SNX22: variants seen among roughly 807,000 people sequenced by gnomAD.
The protein encoded by SNX22 is sorting nexin 22.
In SNX22, 23 loss-of-function variants were observed where a neutral mutation model predicts 24.7. The observed-to-expected ratio is 0.93, with a 90% CI of 0.67 to 1.32. SNX22 has a LOEUF of 1.32. Among genes scored for constraint, SNX22 ranks in the 40% most tolerant of loss-of-function variants. The pLI, the probability that SNX22 is intolerant of heterozygous loss-of-function variation, is 0.00. For synonymous variants in SNX22, 99 were observed against 104.0 expected, an observed-to-expected ratio of 0.95 and a Z score of 0.29; for missense variants, 261 against 249.9, an observed-to-expected ratio of 1.04 and a Z score of -0.30.
Position 64,155,567 on chromosome 15 carries a change from A to G in SNX22, c.*1059A>G. 1 of 192,538 alleles carries G rather than the reference A, an allele frequency of 5.2e-6. No homozygotes were observed. 11.9% of individuals were successfully genotyped at this position (192,538 alleles called of 1,614,324 possible). A position where few individuals can be genotyped will look rare whatever the true frequency, so the allele number is the denominator to read the frequency against. ...AGAGGTAGGCTATGAAAAAGTACAG[A>G]TACATCCCTTAACATAGACTGGAGG... On this transcript the variant is annotated 3_prime_UTR_variant, in exon 7 of 7. Transcript: ENST00000325881.
chr15:64,156,933 C>G lies in SNX22; in HGVS notation c.*2425C>G, dbSNP rs1567345523. On this transcript the variant is annotated 3_prime_UTR_variant, in exon 7 of 7. Coordinates refer to ENST00000325881, the MANE Select transcript of SNX22 (RefSeq NM_024798.3). This position sits in a 1 kb window ranked among gnomAD's most constrained non-coding sequence, Gnocchi z 6.4. ...TCCTGGGAAAAAAGACAGAGCAGGT[C>G]AGGGGCGCTGGATTGCGCCAAACCA... 1 of 1,612,946 alleles carries G rather than the reference C, an allele frequency of 6.2e-7. No homozygotes were observed. The highest frequency in any genetic ancestry group is 8.5e-7 in the Non-Finnish European group (1 of 1,179,238).
intron 4 of SNX22, 89 bp downstream of exon 4, chr15:64,153,428 C>T: frequency 1.3e-6 from 2 of 1,583,486 alleles, no homozygotes; most frequent in Non-Finnish European, 1.7e-6. Context: ...CTTTTCACAT[C>T]TGCCAGGATC....
intron 3 of SNX22, 132 bp from the exon 4 acceptor site, chr15:64,153,113 G>T (rs2081499424): frequency 1.8e-6 from 2 of 1,142,242 alleles, no homozygotes; most frequent in South Asian, 3.0e-5. Context: ...AGGGCCCTGA[G>T]CCTGGTTCAA....
At position 64,151,799 on chromosome 15, in the gene SNX22, G is replaced by T. The variant is rs1192920765; in HGVS notation, c.24G>T (p.Ser8=). 8 of 1,537,932 alleles carry T rather than the reference G, an allele frequency of 5.2e-6. No homozygotes were observed. The Admixed American group carries it at 7.9e-5, about 15-fold the overall frequency. The change falls in exon 1 of 7, where the codon TCG becomes TCT. Residue 8 remains serine, a synonymous_variant. Coordinates refer to ENST00000325881, the MANE Select transcript of SNX22 (RefSeq NM_024798.3). MLEVHIP[S]VGPEAEGPRQ... is the part of the protein sequence containing the mutation. ...GGATGCTGGAAGTTCACATCCCGTCGGTGGGGCCCGAGGCCGAGGGGCCCA... is the reference window on the plus strand; with the variant it reads ...GGATGCTGGAAGTTCACATCCCGTCTGTGGGGCCCGAGGCCGAGGGGCCCA...
rs149490885 is a variant in SNX22 at position 64,152,961 on chromosome 15, A to T, written c.264+219A>T. ...AACGGACACAGGTAGTCCCAGCTCCATGAAACCCAGGTCCTGTCCCCTCCA... is the reference window on the plus strand; with the variant it reads ...AACGGACACAGGTAGTCCCAGCTCCTTGAAACCCAGGTCCTGTCCCCTCCA... On this transcript the variant is annotated intron_variant, in intron 3 of 6. Coordinates refer to ENST00000325881, the MANE Select transcript of SNX22 (RefSeq NM_024798.3). 424 of 608,752 alleles carry T rather than the reference A, an allele frequency of 7.0e-4. 2 individuals are homozygous for T. The highest frequency in any genetic ancestry group is 6.6e-3 in the African/African-American group (356 of 54,108). The allele number at this position is 608,752 out of a possible 1,614,324, so 37.7% of individuals were successfully genotyped here.
Position 64,156,505 on chromosome 15 carries a change from C to G in SNX22, c.*1997C>G, listed in dbSNP as rs539370673. 1 of 654,928 alleles carries G rather than the reference C, an allele frequency of 1.5e-6. No individual in the cohort carries two copies. Among genetic ancestry groups the G allele is most frequent in the Non-Finnish European group, 2.7e-6 (1 of 373,170 alleles). 40.6% of individuals were successfully genotyped at this position (654,928 alleles called of 1,614,324 possible). A position where few individuals can be genotyped will look rare whatever the true frequency, so the allele number is the denominator to read the frequency against. ...GTGAAGGAGGGGAGGGAGGCTCTGG[C>G]AGTTGTGCAGCCTTCCTGGCTGGGC... On this transcript the variant is annotated 3_prime_UTR_variant, in exon 7 of 7. Coordinates refer to ENST00000325881, the MANE Select transcript of SNX22 (RefSeq NM_024798.3). This position sits in a 1 kb window ranked among gnomAD's most constrained non-coding sequence, Gnocchi z 6.4.
chr15:64,152,624 T>C lies in SNX22; in HGVS notation c.160-14T>C, dbSNP rs773080540. 2 of 1,612,842 alleles carry C rather than the reference T, an allele frequency of 1.2e-6. No homozygotes were observed. Among genetic ancestry groups the C allele is most frequent in the Non-Finnish European group, 1.7e-6 (2 of 1,178,958 alleles). On this transcript the variant is annotated splice_polypyrimidine_tract_variant and intron_variant, in intron 2 of 6. Coordinates refer to ENST00000325881, the MANE Select transcript of SNX22 (RefSeq NM_024798.3). ...GTCGGGATGCTGTGATCGCACGCGGTAAACCTCCAGTAGATCAAGAAGCTG... is the reference window on the plus strand; with the variant it reads ...GTCGGGATGCTGTGATCGCACGCGGCAAACCTCCAGTAGATCAAGAAGCTG...
In SNX22 at chr15:64,152,742, G is replaced by C. The variant is rs763430883; in HGVS notation, c.264G>C (p.Gln88His). 4 of 1,613,912 alleles carry C rather than the reference G, an allele frequency of 2.5e-6. No homozygotes were observed. Among genetic ancestry groups the C allele is most frequent in the Non-Finnish European group, 2.5e-6 (3 of 1,179,792 alleles). The change falls in exon 3 of 7, where the codon CAG becomes CAC. Residue 88 changes from glutamine to histidine, a missense_variant and splice_region_variant. Coordinates refer to ENST00000325881, the MANE Select transcript of SNX22 (RefSeq NM_024798.3). ...GGCAGGGCTTGGAGGCTTACATCCAGGTATGCGAGAGCACAGTTGGTTGCC... is the reference window on the plus strand; with the variant it reads ...GGCAGGGCTTGGAGGCTTACATCCACGTATGCGAGAGCACAGTTGGTTGCC... The part of the protein sequence containing the change: ...QRRQGLEAYI[Q>H]GILYLNQEVP...
rs773688813 is a variant in SNX22, at chr15:64,154,439, C to G, written c.513C>G (p.Phe171Leu). The G allele has an allele frequency of 1.1e-5, 17 of 1,614,184 alleles. No individual in the cohort carries two copies. In the East Asian group the frequency reaches 3.8e-4, roughly 36 times the overall value. Residue 171 changes from phenylalanine to leucine, a missense_variant, in exon 7 of 7, where the codon TTC becomes TTG. Phe to Leu is a conservative substitution (Grantham distance 22, BLOSUM62 0). Coordinates refer to ENST00000325881, the MANE Select transcript of SNX22 (RefSeq NM_024798.3). ...GTGTGCTCCAGGGCCTCTACAGCTT[C>G]AGCATCAGCCCAGATAAAGCCCAGC... ...VNGVLQGLYS[F>L]SISPDKAQPK...
In SNX22 at chr15:64,153,282, T is replaced by C; in HGVS notation, c.302T>C (p.Leu101Ser). 6.2e-7 allele frequency: 1 copy of C among 1,614,146 alleles called. No individual in the cohort carries two copies. Among genetic ancestry groups the C allele is most frequent in the Non-Finnish European group, 8.5e-7 (1 of 1,180,006 alleles). The change falls in exon 4 of 7, where the codon TTA becomes TCA. Residue 101 changes from leucine to serine, a missense_variant. By Grantham distance (145) the Leu-to-Ser change is moderately radical. Coordinates refer to ENST00000325881, the MANE Select transcript of SNX22 (RefSeq NM_024798.3). ...LYLNQEVPKE[L>S]LEFLRLRHFP... Reference sequence around the variant, plus strand: ...CTGAACCAGGAGGTGCCCAAGGAGTTACTGGAATTCCTGAGACTTCGGCAC... The same window carrying C: ...CTGAACCAGGAGGTGCCCAAGGAGTCACTGGAATTCCTGAGACTTCGGCAC...
intron 6 of SNX22, 187 bp from the exon 7 acceptor site, chr15:64,154,200 C>T (rs545553871): frequency 6.4e-7 from 1 of 1,574,004 alleles, no homozygotes; most frequent in Non-Finnish European, 8.6e-7. Flanking sequence ...TCTTCAGCAG[C>T]CTGACTTCTT....
At chr15:64,154,331 C>T (rs1207588916) in intron 6 of SNX22, 56 bp from the exon 7 acceptor site, 14 of 1,606,438 alleles carry the variant, frequency 8.7e-6, no homozygotes, top group Middle Eastern at 1.7e-4. Flanking sequence ...AGCCCATGAG[C>T]AGGAGCTCAA....
Position 64,154,727 on chromosome 15 carries a change from C to G in SNX22, c.*219C>G. On this transcript the variant is annotated 3_prime_UTR_variant, in exon 7 of 7. Transcript: ENST00000325881. Reference sequence around the variant, plus strand: ...TAGAGCCCAACAGCCAAGGCAGGGTCAAGAAGATAAGTAATAAAAGAGGAA... The same window carrying G: ...TAGAGCCCAACAGCCAAGGCAGGGTGAAGAAGATAAGTAATAAAAGAGGAA... The G allele has an allele frequency of 2.0e-6, 1 of 503,538 alleles. No individual in the cohort carries two copies. The highest frequency in any genetic ancestry group is 3.4e-6 in the Non-Finnish European group (1 of 292,084). The allele number at this position is 503,538 out of a possible 1,614,324, so 31.2% of individuals were successfully genotyped here. A position where few individuals can be genotyped will look rare whatever the true frequency, so the allele number is the denominator to read the frequency against.
Position 64,156,329 on chromosome 15 carries a change from G to T in SNX22, c.*1821G>T. 2.4e-6 allele frequency: 2 copies of T among 823,942 alleles called. No homozygotes were observed. The highest frequency in any genetic ancestry group is 1.5e-5 in the South Asian group (1 of 64,976). 51.0% of individuals were successfully genotyped at this position (823,942 alleles called of 1,614,324 possible). ...GCAGGGAGAATGCAGATTTGACGAG[G>T]GGGTACAGGAATTTTGTTCCTTTGA... On this transcript the variant is annotated 3_prime_UTR_variant, in exon 7 of 7. Transcript: ENST00000325881. The surrounding 1 kb of genome is among the most constrained non-coding windows in gnomAD (Gnocchi z 6.4).
At position 64,152,230 on chromosome 15, in the gene SNX22, C is replaced by T. The variant is rs1017669693; in HGVS notation, c.76-13C>T. On this transcript the variant is annotated splice_polypyrimidine_tract_variant and intron_variant, in intron 1 of 6. Transcript: ENST00000325881. ...GCCTCACGCGCAGACCCGCTGCCCG[C>T]CCGCGCCGCCAGGTGTTCCGAGTGG... The T allele has an allele frequency of 2.2e-6, 3 of 1,393,502 alleles. No individual in the cohort carries two copies. The African/African-American group carries it at 4.6e-5, about 21-fold the overall frequency. 86.3% of individuals were successfully genotyped at this position (1,393,502 alleles called of 1,614,324 possible). A position where few individuals can be genotyped will look rare whatever the true frequency, so the allele number is the denominator to read the frequency against.
Position 64,153,256 on chromosome 15 carries a change from C to T in SNX22, c.276C>T (p.Tyr92=). 1 of 1,614,190 alleles carries T rather than the reference C, an allele frequency of 6.2e-7. No individual in the cohort carries two copies. Residue 92 remains tyrosine (Y), a synonymous_variant, in exon 4 of 7, where the codon TAC becomes TAT. Transcript: ENST00000325881. ...GLEAYIQGIL[Y]LNQEVPKELL... is the part of the protein sequence containing the mutation. Reference sequence around the variant, plus strand: ...TCTGTCCTCTCCAGGGCATCCTGTACCTGAACCAGGAGGTGCCCAAGGAGT... The same window carrying T: ...TCTGTCCTCTCCAGGGCATCCTGTATCTGAACCAGGAGGTGCCCAAGGAGT...
At chr15:64,153,579 T>C in intron 4 of SNX22, 73 bp from the exon 5 acceptor site, 2 of 1,595,086 alleles carry the variant, frequency 1.3e-6, no homozygotes, top group Admixed American at 3.3e-5. Context: ...AGTTCTGGGC[T>C]CTGGTGTCTC....
In SNX22 at chr15:64,151,837, A is replaced by T; in HGVS notation, c.62A>T (p.Glu21Val). The change falls in exon 1 of 7, where the codon GAG becomes GTG. Residue 21 changes from glutamate (E) to valine (V), a missense_variant. Coordinates refer to ENST00000325881, the MANE Select transcript of SNX22 (RefSeq NM_024798.3). ...PEAEGPRQSP[E>V]KSHMVFRVEV... ...GCCGAGGGGCCCAGGCAGAGCCCGGAGAAAAGCCACATGGTGAGCGCGGCC... is the reference window on the plus strand; with the variant it reads ...GCCGAGGGGCCCAGGCAGAGCCCGGTGAAAAGCCACATGGTGAGCGCGGCC... The T allele has an allele frequency of 6.5e-7, 1 of 1,537,832 alleles. No individual in the cohort carries two copies. The highest frequency in any genetic ancestry group is 8.7e-7 in the Non-Finnish European group (1 of 1,144,080).
chr15:64,152,395 G>A, intron 2 of SNX22, 69 bp downstream of exon 2: 1 of 1,435,400 alleles, frequency 7.0e-7, no homozygotes, highest in Non-Finnish European at 9.2e-7. Flanking sequence ...GGCCCTGTGA[G>A]GCGGGCGGGC....
Sources: gnomAD v4.1 joint callset for allele counts on GRCh38, gnomAD v4.1.1 for gene constraint, Gnocchi (gnomAD v3.1) non-coding constraint, MANE v1.5 for transcripts, NCBI Gene and HGNC (gene_info 2026-07-23, HGNC 2026-07-21) for gene names.